Variants in CPB1 observed in about 807,000 individuals in gnomAD.
CPB1 encodes the protein carboxypeptidase B1, also known as carboxypeptidase B.
CPB1 carries 53 observed loss-of-function variants against 51.4 expected under a neutral mutation model. The ratio of observed to expected loss-of-function variants is 1.03; its 90% confidence interval spans 0.83 to 1.30. The LOEUF (loss-of-function observed/expected upper bound fraction) is 1.30. CPB1 is among the 50% of genes most tolerant of loss of function. The pLI, the probability that CPB1 is intolerant of heterozygous loss-of-function variation, is 0.00. For missense variants in CPB1, 494 were observed against 516.2 expected (o/e 0.96, Z 0.42); for synonymous variants, 189 against 186.9 (o/e 1.01, Z -0.09).
At chr3:148,855,318 A>G (rs1713542509) in intron 9 of CPB1, 1 of 152,168 alleles carries the variant, frequency 6.6e-6, no homozygotes, top group African/African-American at 2.4e-5. Flanking sequence ...TTTTAAGCTC[A>G]CATCAACCTC....
chr3:148,844,457 C>T (rs749325370), intron 6 of CPB1, 21 bp from the exon 7 acceptor site: 15 of 1,565,796 alleles, frequency 9.6e-6, no homozygotes, highest in East Asian at 2.2e-5. Flanking sequence ...CATGAAATTC[C>T]TCTTCATAAT....
rs1253315160 is a variant in CPB1 at position 148,859,878 on chromosome 3, T to G, written c.1130T>G (p.Phe377Cys). Residue 377 changes from phenylalanine (F) to cysteine (C), a missense_variant, in exon 11 of 11, where the codon TTT becomes TGT. Coordinates refer to ENST00000282957, the MANE Select transcript of CPB1 (RefSeq NM_001871.3). ...YDQGIRYSFT[F>C]ELRDTGRYGF... The stretch of plus-strand genomic sequence containing the variant: ...CAAGGAATCAGATATTCCTTCACCT[T>G]TGAACTTCGAGATACAGGCAGATAT... 1 of 1,614,174 alleles carries G rather than the reference T, an allele frequency of 6.2e-7. No individual in the cohort carries two copies. Among genetic ancestry groups the G allele is most frequent in the East Asian group, 2.2e-5 (1 of 44,886 alleles).
chr3:148,834,220 A>T (rs1360406797), intron 2 of CPB1, among the ~76,000 whole-genome samples: 1 of 152,252 alleles, frequency 6.6e-6, no homozygotes, highest in Non-Finnish European at 1.5e-5. Flanking sequence ...AGAAAAGAAC[A>T]GTTACAGAAT....
chr3:148,834,495 C>A lies in CPB1; in HGVS notation c.148-3C>A, dbSNP rs1371084398. The A allele has an allele frequency of 6.2e-7, 1 of 1,612,894 alleles. No individual in the cohort carries two copies. The highest frequency in any genetic ancestry group is 8.5e-7 in the Non-Finnish European group (1 of 1,178,976). The stretch of plus-strand genomic sequence containing the variant: ...TATCCAATATATCTTGTCCTTTATT[C>A]AGATTGACTTCTGGAAGCCAGATTC... On this transcript the variant is annotated splice_region_variant and splice_polypyrimidine_tract_variant and intron_variant, in intron 2 of 10. Transcript: ENST00000282957.
rs1713051397 is a variant in CPB1 at position 148,840,751 on chromosome 3, GAC to G, written c.342_343del (p.His114GlnfsTer3). The G allele has an allele frequency of 1.9e-6, 3 of 1,614,038 alleles. No individual in the cohort carries two copies. The highest frequency in any genetic ancestry group is 2.7e-5 in the African/African-American group (2 of 74,924). Reference sequence around the variant, plus strand: ...TTTGATAGCCGGGTTCGTGCAACAGGACACAGTTATGAGAAGTACAACAAGTG... The same window carrying G: ...TTTGATAGCCGGGTTCGTGCAACAGGACAGTTATGAGAAGTACAACAAGTG... On this transcript the variant is annotated frameshift_variant, in exon 4 of 11. Transcript: ENST00000282957. LOFTEE classifies it high-confidence loss of function.
At chr3:148,847,916 A>T (rs1394529169) in intron 9 of CPB1, among the ~76,000 whole-genome samples, 1 of 152,188 alleles carries the variant, frequency 6.6e-6, no homozygotes, top group Non-Finnish European at 1.5e-5. Flanking sequence ...AATTTCCAAT[A>T]ATTTTCTCTA....
intron 9 of CPB1, among the ~76,000 whole-genome samples, chr3:148,852,835 T>G (rs1380235658): frequency 4.6e-5 from 7 of 152,224 alleles, no homozygotes; most frequent in Non-Finnish European, 7.3e-5. Flanking sequence ...CCGTGGGCTC[T>G]GTGGAAATCG....
chr3:148,846,590 G>A (rs1201960654), intron 9 of CPB1, among the ~76,000 whole-genome samples: 1 of 150,954 alleles, frequency 6.6e-6, no homozygotes, highest in African/African-American at 2.4e-5. Flanking sequence ...AATAAAATAT[G>A]TAATGCCGTA....
At chr3:148,831,871 T>G (rs533988423) in intron 2 of CPB1, among the ~76,000 whole-genome samples, 16 of 152,336 alleles carry the variant, frequency 1.1e-4, no homozygotes, top group South Asian at 2.1e-4. Flanking sequence ...TCACCTTATG[T>G]TATTACTTTG....
chr3:148,843,279 C>T (rs578170506), intron 6 of CPB1, among the ~76,000 whole-genome samples: 47 of 152,174 alleles, frequency 3.1e-4, no homozygotes, highest in Non-Finnish European at 5.6e-4. Context: ...AGCTGGATGA[C>T]GGGTATGTGG....
intron 9 of CPB1, chr3:148,855,724 A>T (rs1713553545): frequency 6.6e-6 from 1 of 152,238 alleles, no homozygotes. Context: ...TAAAAATAAT[A>T]ATTCAAGGCT....
chr3:148,852,639 G>A (rs924881254), intron 9 of CPB1, among the ~76,000 whole-genome samples: 3 of 152,152 alleles, frequency 2.0e-5, no homozygotes, highest in Admixed American at 2.0e-4. Flanking sequence ...ATTTATTTGG[G>A]AGAAACTCCA....
intron 9 of CPB1, among the ~76,000 whole-genome samples, chr3:148,846,749 AT>A (rs1713252504): frequency 2.4e-4 from 2 of 8,462 alleles, no homozygotes; most frequent in African/African-American, 6.6e-4. Context: ...ATATATATAT[AT>A]ATATACATAT....
In CPB1 at chr3:148,844,560, T is replaced by C; in HGVS notation, c.659T>C (p.Ile220Thr). The change falls in exon 7 of 11, where the codon ATT (isoleucine) becomes ACT (threonine). Residue 220 changes from isoleucine (I) to threonine (T), a missense_variant. By Grantham distance (89) the Ile-to-Thr change is moderately conservative (BLOSUM62 -1). Coordinates refer to ENST00000282957, the MANE Select transcript of CPB1 (RefSeq NM_001871.3). Reference sequence around the variant, plus strand: ...TTTTATGTCCTGCCTGTGCTCAATATTGATGGCTACATCTACACCTGGACC... The same window carrying C: ...TTTTATGTCCTGCCTGTGCTCAATACTGATGGCTACATCTACACCTGGACC... ...LDFYVLPVLNIDGYIYTWTKS... is the reference protein window; with the variant it reads ...LDFYVLPVLNTDGYIYTWTKS... 1 of 1,613,804 alleles carries C rather than the reference T, an allele frequency of 6.2e-7. No homozygotes were observed. Among genetic ancestry groups the C allele is most frequent in the Non-Finnish European group, 8.5e-7 (1 of 1,179,804 alleles).
intron 2 of CPB1, among the ~76,000 whole-genome samples, chr3:148,828,440 A>G (rs949361532): frequency 3.9e-5 from 6 of 152,184 alleles, no homozygotes; most frequent in African/African-American, 1.4e-4. Context: ...TCCAACTTCA[A>G]ATTCATTTCC....
chr3:148,836,334 T>G (rs1327222382), intron 3 of CPB1, among the ~76,000 whole-genome samples: 2 of 152,182 alleles, frequency 1.3e-5, no homozygotes, highest in African/African-American at 4.8e-5. Flanking sequence ...TTAAGATTCA[T>G]GTCTATAACA....
At chr3:148,836,648 C>G (rs1360982807) in intron 3 of CPB1, among the ~76,000 whole-genome samples, 2 of 152,144 alleles carry the variant, frequency 1.3e-5, no homozygotes, top group African/African-American at 4.8e-5. Flanking sequence ...AGGACATCCC[C>G]TGAGGGCTAA....
intron 3 of CPB1, among the ~76,000 whole-genome samples, chr3:148,839,107 T>G (rs1712998208): frequency 6.6e-6 from 1 of 152,236 alleles, no homozygotes; most frequent in Non-Finnish European, 1.5e-5. Context: ...TTGTCCTATA[T>G]GTCCACTGTA....
chr3:148,854,973 G>C (rs1713532387), intron 9 of CPB1: 1 of 152,232 alleles, frequency 6.6e-6, no homozygotes, highest in Admixed American at 6.5e-5. Flanking sequence ...CCAGTGAAGA[G>C]AAAAGGGTAC....
Sources: allele counts gnomAD v4.1 joint callset (sites outside exome capture counted in the v4.1 genomes callset), GRCh38; gene constraint gnomAD v4.1.1; transcripts MANE v1.5; gene names NCBI Gene and HGNC (gene_info 2026-07-23, HGNC 2026-07-21).